Variants in KSR2 observed in about 807,000 individuals in gnomAD.
KSR2 encodes the protein kinase suppressor of ras 2.
A neutral mutation model predicts 107.8 loss-of-function variants in KSR2; 25 were observed. The ratio of observed to expected loss-of-function variants is 0.23; its 90% CI spans 0.17 to 0.32. KSR2 has a LOEUF of 0.32. KSR2 is among the 10% of genes least tolerant of loss of function. The probability of loss-of-function intolerance (pLI) is 1.00; values close to 1 mark genes in which losing one functional copy is unlikely to be tolerated. For synonymous variants in KSR2, 480 were observed against 507.0 expected (o/e 0.95, Z 0.71); for missense variants, 887 against 1,268.9 (o/e 0.70, Z 4.57).
chr12:117,906,212 G>T (rs544852967), intron 1 of KSR2, among the ~76,000 whole-genome samples: 2 of 152,122 alleles, frequency 1.3e-5, no homozygotes, highest in East Asian at 3.9e-4. Flanking sequence ...AATTAACCAG[G>T]CATGGTGGTG....
Position 117,460,406 on chromosome 12 carries a change from A to G in KSR2, c.*6793T>C, listed in dbSNP as rs1870832865. 1 of 152,406 alleles carries G rather than the reference A, an allele frequency of 6.6e-6. No individual in the cohort carries two copies. The highest frequency in any genetic ancestry group is 2.4e-5 in the African/African-American group (1 of 41,576). 9.4% of individuals were successfully genotyped at this position (152,406 alleles called of 1,614,324 possible). ...AACACGGGACCACAGTGCAACATCC[A>G]GCAGGAGAGACGGAGGGGATAGGAA... On this transcript the variant is annotated 3_prime_UTR_variant, in exon 20 of 20. Transcript: ENST00000339824.
intron 4 of KSR2, among the ~76,000 whole-genome samples, chr12:117,698,629 CTT>C (rs1410711850): frequency 6.6e-6 from 1 of 152,184 alleles, no homozygotes; most frequent in Non-Finnish European, 1.5e-5. Flanking sequence ...CCCGGCCAGA[CTT>C]TTTCTCTTAA....
chr12:117,608,225 A>G (rs1253252775), intron 5 of KSR2, among the ~76,000 whole-genome samples: 2 of 152,228 alleles, frequency 1.3e-5, no homozygotes, highest in African/African-American at 4.8e-5. Flanking sequence ...GTGTCCAATA[A>G]TATGAGCTTG....
At chr12:117,764,762 G>A (rs1335713857) in intron 3 of KSR2, among the ~76,000 whole-genome samples, 1 of 152,154 alleles carries the variant, frequency 6.6e-6, no homozygotes, top group Non-Finnish European at 1.5e-5. Flanking sequence ...ACTTATGGCT[G>A]TGTGACCTTG....
intron 1 of KSR2, among the ~76,000 whole-genome samples, chr12:117,901,995 A>G (rs1188203365): frequency 6.6e-6 from 1 of 152,096 alleles, no homozygotes; most frequent in African/African-American, 2.4e-5. Flanking sequence ...GCTCTAGGAG[A>G]AACTGTCAAA....
chr12:117,505,355 A>G (rs1049114217), intron 14 of KSR2, among the ~76,000 whole-genome samples: 2 of 152,212 alleles, frequency 1.3e-5, no homozygotes, highest in African/African-American at 4.8e-5. Context: ...TAGAGGCAGC[A>G]CATGGTGGAT....
Position 117,597,972 on chromosome 12 carries a change from C to T in KSR2, c.1172-15613G>A, listed in dbSNP as rs376954683. Reference sequence around the variant, plus strand: ...GAGAAGTTCAGTAACTTTCTCAACACGAGGAGTGGGGAATTTCTCTTTTTT... The same window carrying T: ...GAGAAGTTCAGTAACTTTCTCAACATGAGGAGTGGGGAATTTCTCTTTTTT... On this transcript the variant is annotated intron_variant, in intron 5 of 19. Coordinates refer to ENST00000339824, the MANE Select transcript of KSR2 (RefSeq NM_173598.6). 3.9e-5 allele frequency among the ~76,000 whole-genome samples: 6 copies of T among 152,136 alleles called. No individual in the cohort carries two copies. In the South Asian group the frequency reaches 8.3e-4, roughly 21 times the overall value.
chr12:117,948,090 T>C (rs951880615), intron 1 of KSR2, among the ~76,000 whole-genome samples: 8 of 152,116 alleles, frequency 5.3e-5, no homozygotes, highest in African/African-American at 1.7e-4. Context: ...AAAAGAATAA[T>C]AAAGGTGGAA....
At position 117,465,440 on chromosome 12, in the gene KSR2, C is replaced by G. The variant is rs1367528128; in HGVS notation, c.*1759G>C. ...TGTTGGAAAGGCAATTCAGGAGGGC[C>G]CTTTGGGAAACACAGGGGTTTCCTG... On this transcript the variant is annotated 3_prime_UTR_variant, in exon 20 of 20. Transcript: ENST00000339824. The G allele has an allele frequency of 1.3e-5, 2 of 152,076 alleles. No homozygotes were observed. Among genetic ancestry groups the G allele is most frequent in the East Asian group, 1.9e-4 (1 of 5,176 alleles). The allele number at this position is 152,076 out of a possible 1,614,324, so 9.4% of individuals were successfully genotyped here. A position where few individuals can be genotyped will look rare whatever the true frequency, so the allele number is the denominator to read the frequency against.
chr12:117,943,500 CAAAAAAAAAAAAAAAAA>C (rs35125662), intron 1 of KSR2, among the ~76,000 whole-genome samples: 1 of 52,916 alleles, frequency 1.9e-5, no homozygotes, highest in Non-Finnish European at 3.3e-5. Context: ...TCCACCTAGC[CAAAAAAAAAAAAAAAAA>C]AAAAAAAAAA....
At chr12:117,619,632 C>G (rs1882070733) in intron 5 of KSR2, among the ~76,000 whole-genome samples, 1 of 150,828 alleles carries the variant, frequency 6.6e-6, no homozygotes, top group Non-Finnish European at 1.5e-5. Flanking sequence ...TTGGGACATA[C>G]TGTATATGTG....
chr12:117,799,454 T>C (rs1890751698), intron 3 of KSR2, among the ~76,000 whole-genome samples: 1 of 148,554 alleles, frequency 6.7e-6, no homozygotes, highest in Non-Finnish European at 1.5e-5. Flanking sequence ...TGAGCCGAGA[T>C]CGCATCACTG....
At chr12:117,711,630 G>C (rs929977507) in intron 4 of KSR2, among the ~76,000 whole-genome samples, 1 of 152,200 alleles carries the variant, frequency 6.6e-6, no homozygotes, top group Non-Finnish European at 1.5e-5. Flanking sequence ...GAAGACAGGA[G>C]TCTGGGATGC....
chr12:117,594,445 C>T (rs758680372), intron 5 of KSR2, among the ~76,000 whole-genome samples: 2 of 152,108 alleles, frequency 1.3e-5, no homozygotes, highest in African/African-American at 4.8e-5. Flanking sequence ...GGGACAGCCT[C>T]GTGATAAATA....
At chr12:117,941,184 C>A (rs551812636) in intron 1 of KSR2, among the ~76,000 whole-genome samples, 1 of 152,056 alleles carries the variant, frequency 6.6e-6, no homozygotes, top group Non-Finnish European at 1.5e-5. Context: ...ATTGCCAACA[C>A]CTGACATCTC....
At chr12:117,515,235 A>ATCTCTT (rs1312892921) in intron 14 of KSR2, among the ~76,000 whole-genome samples, 2 of 152,186 alleles carry the variant, frequency 1.3e-5, no homozygotes, top group Admixed American at 1.3e-4. Flanking sequence ...CTTACATCAC[A>ATCTCTT]TACTTGGCAT....
At chr12:117,568,123 C>A (rs1490376276) in intron 7 of KSR2, among the ~76,000 whole-genome samples, 1 of 152,176 alleles carries the variant, frequency 6.6e-6, no homozygotes, top group African/African-American at 2.4e-5. Context: ...CAGCACTTTT[C>A]TCTCCATAAA....
chr12:117,541,330 A>G (rs1876474101), intron 9 of KSR2, among the ~76,000 whole-genome samples: 1 of 151,408 alleles, frequency 6.6e-6, no homozygotes, highest in African/African-American at 2.4e-5. Context: ...GAGGCATGGG[A>G]GGGAGGGAGG....
At chr12:117,484,602 GC>G in intron 15 of KSR2, 53 bp from the exon 16 acceptor site, 2 of 1,592,216 alleles carry the variant, frequency 1.3e-6, no homozygotes, top group South Asian at 1.1e-5. Context: ...AGAGCTTGCT[GC>G]CACCCTGGCT....
Sources: gnomAD v4.1 joint callset for allele counts (sites outside exome capture counted in the v4.1 genomes callset) on GRCh38, gnomAD v4.1.1 for gene constraint, MANE v1.5 for transcripts, NCBI Gene and HGNC (gene_info 2026-07-23, HGNC 2026-07-21) for gene names.